The following SLC35D4 variants were observed in gnomAD, a reference collection of about 807,000 sequenced individuals.
SLC35D4 encodes the protein solute carrier family 35 member D4, also known as UDP-N-acetylglucosamine transporter SLC35D4.
the SLC35D4 span, among the ~76,000 whole-genome samples, chr18:23,384,700 G>C: frequency 3.3e-4 from 51 of 152,342 alleles, no homozygotes; most frequent in South Asian, 6.2e-4. Flanking sequence ...GCCGGGGGTA[G>C]GAATGCTTCC....
At chr18:23,399,718 GACCCTCCAGA>G in the SLC35D4 span, 2 of 1,455,472 alleles carry the variant, frequency 1.4e-6, no homozygotes, top group Non-Finnish European at 1.9e-6. Flanking sequence ...TGGAAAGGCT[GACCCTCCAGA>G]TGCATCAACT....
chr18:23,435,420 A>C, the SLC35D4 span, among the ~76,000 whole-genome samples: 1 of 152,214 alleles, frequency 6.6e-6, no homozygotes, highest in South Asian at 2.1e-4. Context: ...TCGCTAGACA[A>C]ATTAGAAGAG....
At chr18:23,350,793 T>C in the SLC35D4 span, among the ~76,000 whole-genome samples, 1 of 152,172 alleles carries the variant, frequency 6.6e-6, no homozygotes, top group Non-Finnish European at 1.5e-5. Context: ...CTGCTGGTTT[T>C]CACAGCCTCG....
At chr18:23,415,464 G>A in the SLC35D4 span, among the ~76,000 whole-genome samples, 3 of 152,150 alleles carry the variant, frequency 2.0e-5, no homozygotes, top group African/African-American at 7.2e-5. Flanking sequence ...CTGTAGCCTG[G>A]CAATACAGGA....
chr18:23,410,665 C>T, the SLC35D4 span, among the ~76,000 whole-genome samples: 3 of 150,424 alleles, frequency 2.0e-5, no homozygotes, highest in Non-Finnish European at 3.0e-5. Flanking sequence ...GGCATCATGG[C>T]GGGCGCCTGT....
At chr18:23,283,627 T>C in the SLC35D4 span, among the ~76,000 whole-genome samples, 2 of 151,998 alleles carry the variant, frequency 1.3e-5, no homozygotes, top group Non-Finnish European at 2.9e-5. Flanking sequence ...CCGACCAACC[T>C]GGAGAAACCC....
the SLC35D4 span, among the ~76,000 whole-genome samples, chr18:23,265,507 C>T: frequency 2.7e-4 from 41 of 151,598 alleles, no homozygotes; most frequent in South Asian, 8.4e-4. Context: ...AATCGTCCCC[C>T]CAAAGCACCA....
chr18:23,354,345 CAAAAAAAAAAAA>C, the SLC35D4 span, among the ~76,000 whole-genome samples: 1 of 99,142 alleles, frequency 1.0e-5, no homozygotes, highest in Non-Finnish European at 1.9e-5. Context: ...ACTAAAAATA[CAAAAAAAAAAAA>C]AAAAAAAAAG....
the SLC35D4 span, among the ~76,000 whole-genome samples, chr18:23,292,876 C>A: frequency 1.3e-5 from 2 of 152,290 alleles, no homozygotes; most frequent in Admixed American, 1.3e-4. Context: ...GGGTCAGTAA[C>A]CCCAGCAACC....
chr18:23,388,188 C>T, the SLC35D4 span, among the ~76,000 whole-genome samples: 1 of 152,274 alleles, frequency 6.6e-6, no homozygotes, highest in East Asian at 1.9e-4. Flanking sequence ...AATTTTAGGA[C>T]CTGCAGGCTG....
chr18:23,426,841 C>G, the SLC35D4 span, among the ~76,000 whole-genome samples: 2 of 152,134 alleles, frequency 1.3e-5, no homozygotes, highest in African/African-American at 4.8e-5. Flanking sequence ...TGGAACAGAA[C>G]AGAGCCCCCA....
At chr18:23,344,055 C>A in the SLC35D4 span, among the ~76,000 whole-genome samples, 1,458 of 152,058 alleles carry the variant, frequency 9.6e-3, 24 homozygotes, top group African/African-American at 0.034. Context: ...CGTGCCACGA[C>A]GCCCAGCTAA....
the SLC35D4 span, among the ~76,000 whole-genome samples, chr18:23,255,556 GA>G: frequency 7.0e-5 from 10 of 142,906 alleles, no homozygotes; most frequent in Non-Finnish European, 1.4e-4. Flanking sequence ...CTGAACTAAT[GA>G]TTTTTTTTTT....
chr18:23,368,102 T>A, the SLC35D4 span, among the ~76,000 whole-genome samples: 1 of 152,184 alleles, frequency 6.6e-6, no homozygotes, highest in Non-Finnish European at 1.5e-5. Flanking sequence ...ACCTTCAGAA[T>A]AACCTGAAAG....
chr18:23,419,516 T>A, the SLC35D4 span, among the ~76,000 whole-genome samples: 1 of 152,142 alleles, frequency 6.6e-6, no homozygotes, highest in Non-Finnish European at 1.5e-5. Flanking sequence ...GGTCTCGAAC[T>A]CCTGACCTCA....
At chr18:23,368,880 G>T in the SLC35D4 span, 2 of 590,702 alleles carry the variant, frequency 3.4e-6, no homozygotes, top group Non-Finnish European at 5.6e-6. Flanking sequence ...ATAAATAGAG[G>T]GAAAAGTATT....
chr18:23,317,662 AACT>A, the SLC35D4 span, among the ~76,000 whole-genome samples: 1 of 152,304 alleles, frequency 6.6e-6, no homozygotes, highest in African/African-American at 2.4e-5. Flanking sequence ...GTCCCCATAC[AACT>A]ACTTTTCTCC....
the SLC35D4 span, among the ~76,000 whole-genome samples, chr18:23,264,838 T>A: frequency 6.6e-6 from 1 of 151,394 alleles, no homozygotes; most frequent in African/African-American, 2.4e-5. Flanking sequence ...AGAGATGAGG[T>A]TTCACCATGT....
chr18:23,398,997 C>G, the SLC35D4 span, among the ~76,000 whole-genome samples: 2 of 152,088 alleles, frequency 1.3e-5, no homozygotes, highest in African/African-American at 4.8e-5. Context: ...TTTTGGAGTT[C>G]CAAATAATGT....
Sources: allele counts gnomAD v4.1 joint callset (sites outside exome capture counted in the v4.1 genomes callset), GRCh38; gene constraint gnomAD v4.1.1; transcripts MANE v1.5; gene names NCBI Gene and HGNC (gene_info 2026-07-23, HGNC 2026-07-21).